PCYOX1: variants seen among roughly 807,000 people sequenced by gnomAD.
PCYOX1 encodes prenylcysteine lyase.
Under a neutral mutation model 46.4 loss-of-function variants are expected in PCYOX1, and 46 were observed. The observed-to-expected ratio is 0.99, with a 90% CI of 0.78 to 1.27. PCYOX1 has a LOEUF of 1.27. Among genes scored for constraint, PCYOX1 ranks in the 50% most tolerant of loss-of-function variants. The pLI is 0.00. For missense variants in PCYOX1, 658 were observed against 628.3 expected (o/e 1.05, Z -0.51); for synonymous variants, 220 against 231.8 (o/e 0.95, Z 0.46).
In PCYOX1 at chr2:70,280,542, TTTA is replaced by T. The variant is rs1401311273; in HGVS notation, c.*3154_*3156del. On this transcript the variant is annotated 3_prime_UTR_variant, in exon 6 of 6. Coordinates refer to ENST00000433351, the MANE Select transcript of PCYOX1 (RefSeq NM_016297.4). Reference sequence around the variant, plus strand: ...TGTTATGGGATATAAGAAGATGCATTTTATTAAGTTCCCCAGTGATGCTGCTGT... The same window carrying T: ...TGTTATGGGATATAAGAAGATGCATTTTAAGTTCCCCAGTGATGCTGCTGT... 1.3e-5 allele frequency: 2 copies of T among 152,198 alleles called. No homozygotes were observed. Among genetic ancestry groups the T allele is most frequent in the Non-Finnish European group, 2.9e-5 (2 of 68,024 alleles). 9.4% of individuals were successfully genotyped at this position (152,198 alleles called of 1,614,324 possible). A position where few individuals can be genotyped will look rare whatever the true frequency, so the allele number is the denominator to read the frequency against.
At position 70,275,679 on chromosome 2, in the gene PCYOX1, T is replaced by TTCTC. The variant is rs3841909; in HGVS notation, c.859+16_859+17insCTCT. 1,986 of 1,611,546 alleles carry TTCTC rather than the reference T, an allele frequency of 1.2e-3. 19 individuals carry two copies. The African/African-American group carries it at 0.024, about 20-fold the overall frequency. On this transcript the variant is annotated intron_variant, in intron 5 of 5. Transcript: ENST00000433351. Reference sequence around the variant, plus strand: ...ACCAAGTACACAGGTAAGCTTGAATTTCTTATTGTTCCTGATATCCCCTGC... The same window carrying TTCTC: ...ACCAAGTACACAGGTAAGCTTGAATTTCTCTCTTATTGTTCCTGATATCCCCTGC...
rs1303130055 is a variant in PCYOX1 at position 70,259,360 on chromosome 2, C to T, written c.113C>T (p.Ala38Val). ...AELRAPPDKIAIIGAGIGGTS... is the reference protein window; with the variant it reads ...AELRAPPDKIVIIGAGIGGTS... ...AATCTTCTGTTTTTTTCCCTCATAG[C>T]GATTATTGGAGCCGGAATTGGTGGC... The change falls in exon 2 of 6, where the codon GCG becomes GTG. Residue 38 changes from alanine to valine, a missense_variant and splice_region_variant. Transcript: ENST00000433351. 4 of 1,612,582 alleles carry T rather than the reference C, an allele frequency of 2.5e-6. No homozygotes were observed. Among genetic ancestry groups the T allele is most frequent in the African/African-American group, 1.3e-5 (1 of 74,802 alleles).
At position 70,278,319 on chromosome 2, in the gene PCYOX1, T is replaced by G. The variant is rs1442993998; in HGVS notation, c.*927T>G. The G allele has an allele frequency of 2.0e-5, 3 of 152,636 alleles. No homozygotes were observed. Among genetic ancestry groups the G allele is most frequent in the Admixed American group, 2.0e-4 (3 of 15,268 alleles). The allele number at this position is 152,636 out of a possible 1,614,324, so 9.5% of individuals were successfully genotyped here. On this transcript the variant is annotated 3_prime_UTR_variant, in exon 6 of 6. Transcript: ENST00000433351. The stretch of plus-strand genomic sequence containing the variant: ...TTGTAGCTATTTAAAGTTTCTAATG[T>G]GCACCCAGGGTTGGGAATCACCAAT...
intron 3 of PCYOX1, among the ~76,000 whole-genome samples, chr2:70,267,212 C>T (rs532654793): frequency 6.6e-6 from 1 of 152,014 alleles, no homozygotes; most frequent in East Asian, 1.9e-4. Flanking sequence ...CAGAGGCGCT[C>T]CCCACATCCC....
At chr2:70,276,544 T>C (rs1019117237) in intron 5 of PCYOX1, among the ~76,000 whole-genome samples, 190 bp from the exon 6 acceptor site, 13 of 152,146 alleles carry the variant, frequency 8.5e-5, no homozygotes, top group African/African-American at 3.1e-4. Flanking sequence ...AATTCTGTAT[T>C]TTGTACTTAC....
At position 70,259,460 on chromosome 2, in the gene PCYOX1, CG is replaced by C; in HGVS notation, c.218del (p.Gly73AlafsTer6). The stretch of plus-strand genomic sequence containing the variant: ...TAGACCTGTTTGAAAGAGAAGAGGT[CG>C]GGGGCCGCCTGGCTACCATGATGGT... ...KIDLFEREEV[G>X]GRLATMMVQG... On this transcript the variant is annotated frameshift_variant, in exon 2 of 6. Coordinates refer to ENST00000433351, the MANE Select transcript of PCYOX1 (RefSeq NM_016297.4). LOFTEE classifies it high-confidence loss of function. 1.2e-6 allele frequency: 2 copies of C among 1,613,946 alleles called. No homozygotes were observed. The highest frequency in any genetic ancestry group is 1.3e-5 in the African/African-American group (1 of 75,008).
rs560211986 is a variant in PCYOX1, at chr2:70,258,246, G to A, written c.82G>A (p.Ala28Thr). 1.9e-6 allele frequency: 3 copies of A among 1,593,678 alleles called. No homozygotes were observed. Among genetic ancestry groups the A allele is most frequent in the Admixed American group, 1.7e-5 (1 of 59,296 alleles). ...LLCSCGCPEG[A>T]ELRAPPDKIA... ...GTGCAGCTGCGGATGCCCCGAGGGC[G>A]CCGAGCTGCGTGCTCCGCCAGATAA... Residue 28 changes from alanine (A) to threonine (T), a missense_variant, in exon 1 of 6, where the codon GCC (alanine) becomes ACC (threonine). By Grantham distance (58) the Ala-to-Thr change is moderately conservative. Transcript: ENST00000433351.
intron 3 of PCYOX1, among the ~76,000 whole-genome samples, chr2:70,269,179 G>A (rs923601328): frequency 7.8e-6 from 1 of 128,288 alleles, no homozygotes; most frequent in African/African-American, 2.9e-5. Flanking sequence ...CTGTGTGTCT[G>A]TTTTTTTTTT....
chr2:70,268,640 A>G (rs1696560698), intron 3 of PCYOX1, among the ~76,000 whole-genome samples: 2 of 152,070 alleles, frequency 1.3e-5, no homozygotes, highest in African/African-American at 4.8e-5. Context: ...TCTACTAAAA[A>G]TACAAAAAAT....
chr2:70,267,130 A>G (rs1696535975), intron 3 of PCYOX1, among the ~76,000 whole-genome samples: 1 of 150,020 alleles, frequency 6.7e-6, no homozygotes, highest in South Asian at 2.1e-4. Flanking sequence ...CGGGGCAGAG[A>G]CACTCCTCAG....
rs556708657 is a variant in PCYOX1, at chr2:70,277,256, A to G, written c.1382A>G (p.Glu461Gly). Residue 461 changes from glutamate (E) to glycine (G), a missense_variant, in exon 6 of 6, where the codon GAG (glutamate) becomes GGG (glycine). By Grantham distance (98) the Glu-to-Gly change is moderately conservative. Transcript: ENST00000433351. The stretch of plus-strand genomic sequence containing the variant: ...CGACTTTATTACCTCAATGGCATAG[A>G]GTGTGCAGCAAGTGCCATGGAGATG... ...HDRLYYLNGIECAASAMEMSA... is the reference protein window; with the variant it reads ...HDRLYYLNGIGCAASAMEMSA... The G allele has an allele frequency of 1.9e-6, 3 of 1,614,162 alleles. No individual in the cohort carries two copies. The highest frequency in any genetic ancestry group is 8.5e-7 in the Non-Finnish European group (1 of 1,180,040).
chr2:70,261,135 C>T (rs1696429228), intron 2 of PCYOX1, 77 bp from the exon 3 acceptor site: 1 of 913,780 alleles, frequency 1.1e-6, no homozygotes, highest in East Asian at 2.6e-5. Context: ...AGGGAAGCCC[C>T]AAATTCACTC....
At chr2:70,266,255 G>A (rs1696520306) in intron 3 of PCYOX1, among the ~76,000 whole-genome samples, 1 of 152,042 alleles carries the variant, frequency 6.6e-6, no homozygotes, top group Admixed American at 6.6e-5. Context: ...GTAGGTAGTA[G>A]GAGATGTGAT....
chr2:70,275,792 T>C (rs1696663125), intron 5 of PCYOX1, 126 bp downstream of exon 5: 1 of 939,546 alleles, frequency 1.1e-6, no homozygotes, highest in African/African-American at 1.7e-5. Flanking sequence ...GTATATATTG[T>C]ACCATATAGA....
chr2:70,264,733 G>T (rs892934979), intron 3 of PCYOX1, among the ~76,000 whole-genome samples: 1 of 151,782 alleles, frequency 6.6e-6, no homozygotes, highest in Non-Finnish European at 1.5e-5. Flanking sequence ...AATAATTTAC[G>T]GGCCGGGCGC....
In PCYOX1 at chr2:70,276,855, C is replaced by G. The variant is rs1320041897; in HGVS notation, c.981C>G (p.Leu327=). 1 of 1,613,600 alleles carries G rather than the reference C, an allele frequency of 6.2e-7. No individual in the cohort carries two copies. Among genetic ancestry groups the G allele is most frequent in the Non-Finnish European group, 8.5e-7 (1 of 1,179,568 alleles). ...LNRKMSNITF[L]NFDPPIEEFH... Reference sequence around the variant, plus strand: ...GAAAAATGTCGAATATTACTTTTCTCAACTTTGATCCTCCAATTGAGGAAT... The same window carrying G: ...GAAAAATGTCGAATATTACTTTTCTGAACTTTGATCCTCCAATTGAGGAAT... The change falls in exon 6 of 6, where the codon CTC becomes CTG. Residue 327 remains leucine, a synonymous_variant. Transcript: ENST00000433351.
rs1696743399 is a variant in PCYOX1 at position 70,279,780 on chromosome 2, C to A, written c.*2388C>A. The A allele has an allele frequency of 1.4e-5, 2 of 146,402 alleles. No homozygotes were observed. Among genetic ancestry groups the A allele is most frequent in the African/African-American group, 5.1e-5 (2 of 39,460 alleles). The allele number at this position is 146,402 out of a possible 1,614,324, so 9.1% of individuals were successfully genotyped here. On this transcript the variant is annotated 3_prime_UTR_variant, in exon 6 of 6. Transcript: ENST00000433351. The stretch of plus-strand genomic sequence containing the variant: ...GCCTGGCAACAGAGCGAGACTCTGT[C>A]TCAGAAAAAAAAAACAAAAACCAGT...
At chr2:70,274,789 C>T in intron 3 of PCYOX1, 170 bp from the exon 4 acceptor site, 1 of 602,128 alleles carries the variant, frequency 1.7e-6, no homozygotes, top group Non-Finnish European at 3.0e-6. Flanking sequence ...GTCTTGAACT[C>T]CTGACCTCAG....
intron 3 of PCYOX1, among the ~76,000 whole-genome samples, chr2:70,263,861 GTGT>G (rs989291046): frequency 6.6e-6 from 1 of 151,452 alleles, no homozygotes; most frequent in African/African-American, 2.4e-5. Context: ...TGGTTTCACC[GTGT>G]TAGCCAGGCT....
Sources: gnomAD v4.1 joint callset for allele counts (sites outside exome capture counted in the v4.1 genomes callset) on GRCh38, gnomAD v4.1.1 for gene constraint, MANE v1.5 for transcripts, NCBI Gene and HGNC (gene_info 2026-07-23, HGNC 2026-07-21) for gene names.